Variants in SH3PXD2A observed in about 807,000 individuals in gnomAD.
SH3PXD2A encodes the protein SH3 and PX domains 2A.
Under a neutral mutation model 115.2 loss-of-function variants are expected in SH3PXD2A, and 32 were observed. The observed-to-expected ratio is 0.28, with a 90% CI of 0.21 to 0.37. SH3PXD2A has a LOEUF of 0.37. SH3PXD2A is among the 10% of genes least tolerant of loss of function. The probability of loss-of-function intolerance (pLI) is 1.00; values close to 1 mark genes in which losing one functional copy is unlikely to be tolerated. For synonymous variants in SH3PXD2A, 610 were observed against 629.1 expected (o/e 0.97, Z 0.45); for missense variants, 1,328 against 1,498.7 (o/e 0.89, Z 1.88).
chr10:103,798,443 G>A (rs958301409), intron 2 of SH3PXD2A, among the ~76,000 whole-genome samples: 1 of 152,184 alleles, frequency 6.6e-6, no homozygotes, highest in Non-Finnish European at 1.5e-5. Context: ...CTGAATAGCT[G>A]GAACTACAGG....
In SH3PXD2A at chr10:103,622,469, C is replaced by T. The variant is rs1382369720; in HGVS notation, c.802+1G>A. Reference sequence around the variant, plus strand: ...GAGGAGAAGCCAGCTCCCGCAGTCACCTCGGCTGTGCTGCCTGTTGACCAT... The same window carrying T: ...GAGGAGAAGCCAGCTCCCGCAGTCATCTCGGCTGTGCTGCCTGTTGACCAT... On this transcript the variant is annotated splice_donor_variant, in intron 10 of 14. Coordinates refer to ENST00000369774, the MANE Select transcript of SH3PXD2A (RefSeq NM_001394015.1). LOFTEE classifies it high-confidence loss of function. 2 of 1,547,262 alleles carry T rather than the reference C, an allele frequency of 1.3e-6. No individual in the cohort carries two copies. Among genetic ancestry groups the T allele is most frequent in the Admixed American group, 2.0e-5 (1 of 50,980 alleles).
At chr10:103,806,385 C>G (rs1256167098) in intron 1 of SH3PXD2A, among the ~76,000 whole-genome samples, 1 of 151,968 alleles carries the variant, frequency 6.6e-6, no homozygotes, top group African/African-American at 2.4e-5. Flanking sequence ...AAAATTCCAC[C>G]CCAGCCCATG....
At chr10:103,648,644 G>A (rs2037072940) in intron 8 of SH3PXD2A, among the ~76,000 whole-genome samples, 1 of 152,210 alleles carries the variant, frequency 6.6e-6, no homozygotes, top group African/African-American at 2.4e-5. Flanking sequence ...AAAAGGAGGG[G>A]AAGCCACCCC....
rs960216527 is a variant in SH3PXD2A, at chr10:103,784,908, C to T, written c.153+16374G>A. On this transcript the variant is annotated intron_variant, in intron 2 of 14. Coordinates refer to ENST00000369774, the MANE Select transcript of SH3PXD2A (RefSeq NM_001394015.1). The surrounding 1 kb of genome is among the most constrained non-coding windows in gnomAD (Gnocchi z 4.4). ...AGAGACACCTGGGAGCGGCAGCCTA[C>T]TAGGCGTGTCTGCTTAGACGGGTAA... is the stretch of plus-strand genomic sequence containing the variant. Among the ~76,000 whole-genome samples the T allele has an allele frequency of 9.2e-5, 14 of 152,162 alleles. No homozygotes were observed. Among genetic ancestry groups the T allele is most frequent in the African/African-American group, 3.4e-4 (14 of 41,428 alleles).
intron 1 of SH3PXD2A, among the ~76,000 whole-genome samples, chr10:103,824,239 T>C (rs1564898225): frequency 6.6e-6 from 1 of 152,132 alleles, no homozygotes; most frequent in South Asian, 2.1e-4. Context: ...AGCTTTGATT[T>C]CCTCGTCTTT....
At chr10:103,672,436 G>T (rs73330599) in intron 6 of SH3PXD2A, among the ~76,000 whole-genome samples, 2,494 of 152,320 alleles carry the variant, frequency 0.016, 64 homozygotes, top group African/African-American at 0.057. Context: ...AACACAAGGG[G>T]ACCACAGCGG....
At chr10:103,849,865 C>T (rs1842881121) in intron 1 of SH3PXD2A, among the ~76,000 whole-genome samples, 1 of 152,172 alleles carries the variant, frequency 6.6e-6, no homozygotes, top group Non-Finnish European at 1.5e-5. Context: ...ATCTACTATC[C>T]CTTTCCTGGA....
At chr10:103,764,464 G>C (rs1246521041) in intron 3 of SH3PXD2A, among the ~76,000 whole-genome samples, 1 of 152,122 alleles carries the variant, frequency 6.6e-6, no homozygotes, top group African/African-American at 2.4e-5. Context: ...CACAGGGTGG[G>C]GGCGAGTCAA....
chr10:103,629,855 G>C (rs1034109511), intron 8 of SH3PXD2A, among the ~76,000 whole-genome samples: 1 of 152,208 alleles, frequency 6.6e-6, no homozygotes, highest in Non-Finnish European at 1.5e-5. Flanking sequence ...CAGAGGCAAA[G>C]GGCCTAGGCC....
intron 1 of SH3PXD2A, among the ~76,000 whole-genome samples, chr10:103,844,059 T>G (rs1027962956): frequency 3.3e-5 from 5 of 152,228 alleles, no homozygotes; most frequent in African/African-American, 1.2e-4. Context: ...GAGTGATGAC[T>G]AAAGTCAGTA....
intron 13 of SH3PXD2A, among the ~76,000 whole-genome samples, chr10:103,607,527 T>TGG: frequency 7.6e-6 from 1 of 131,004 alleles, no homozygotes; most frequent in Middle Eastern, 5.0e-3. Context: ...GGGAGGGAGG[T>TGG]GGGGGGGTCA....
intron 5 of SH3PXD2A, among the ~76,000 whole-genome samples, chr10:103,705,284 CAG>C (rs921184402): frequency 3.3e-5 from 5 of 152,090 alleles, no homozygotes; most frequent in African/African-American, 4.8e-5. Context: ...TGGTGGCAAA[CAG>C]GGGGAGGGAA....
At chr10:103,637,646 A>C (rs1245947438) in intron 8 of SH3PXD2A, among the ~76,000 whole-genome samples, 1 of 152,156 alleles carries the variant, frequency 6.6e-6, no homozygotes, top group East Asian at 1.9e-4. Context: ...ACCCTTTGGA[A>C]GGGTGATCTT....
chr10:103,763,028 C>T (rs148473047), intron 3 of SH3PXD2A, among the ~76,000 whole-genome samples: 9 of 152,122 alleles, frequency 5.9e-5, no homozygotes, highest in African/African-American at 2.2e-4. Context: ...GCACTCACCA[C>T]TTTTCAAATC....
chr10:103,657,769 A>G (rs557562361), intron 8 of SH3PXD2A, among the ~76,000 whole-genome samples: 6 of 152,222 alleles, frequency 3.9e-5, no homozygotes, highest in Non-Finnish European at 8.8e-5. Context: ...CAATGGATCA[A>G]TGAACAACAT....
chr10:103,728,626 T>C (rs1407345500), intron 4 of SH3PXD2A, among the ~76,000 whole-genome samples: 2 of 152,214 alleles, frequency 1.3e-5, no homozygotes, highest in African/African-American at 4.8e-5. Flanking sequence ...CATCTTGGCC[T>C]TGGGGATCAC....
intron 13 of SH3PXD2A, among the ~76,000 whole-genome samples, chr10:103,610,811 G>A (rs1412645564): frequency 6.6e-6 from 1 of 152,182 alleles, no homozygotes; most frequent in Non-Finnish European, 1.5e-5. Flanking sequence ...TGATAAATAA[G>A]GGCACTGAAG....
chr10:103,847,317 AT>A lies in SH3PXD2A; in HGVS notation c.72+7877del, dbSNP rs764722262. Among the ~76,000 whole-genome samples, 565 of 142,622 alleles carry A rather than the reference AT, an allele frequency of 4.0e-3. 3 individuals carry two copies. Among genetic ancestry groups the A allele is most frequent in the African/African-American group, 7.0e-3 (274 of 39,062 alleles). The allele number at this position is 142,622 out of a possible 152,430, so 93.6% of individuals were successfully genotyped here. A position where few individuals can be genotyped will look rare whatever the true frequency, so the allele number is the denominator to read the frequency against. On this transcript the variant is annotated intron_variant, in intron 1 of 14. Transcript: ENST00000369774. ...TCATCACGATGCCTAGCTTTTTAGA[AT>A]TTTTTTTTTTTTTGAGACAGGGTCT...
intron 9 of SH3PXD2A, among the ~76,000 whole-genome samples, chr10:103,624,332 C>T (rs1564847088): frequency 6.6e-6 from 1 of 152,210 alleles, no homozygotes; most frequent in Non-Finnish European, 1.5e-5. Flanking sequence ...CTGGAGGAAG[C>T]AGGTCCATAC....
Sources: allele counts gnomAD v4.1 joint callset (sites outside exome capture counted in the v4.1 genomes callset), GRCh38; gene constraint gnomAD v4.1.1; non-coding constraint Gnocchi (gnomAD v3.1); transcripts MANE v1.5; gene names NCBI Gene and HGNC (gene_info 2026-07-23, HGNC 2026-07-21).